Variants in MSLN observed in about 807,000 individuals in gnomAD.
MSLN encodes mesothelin.
In MSLN, 82 loss-of-function variants were observed where a neutral mutation model predicts 72.6. The ratio of observed to expected loss-of-function variants is 1.13; its 90% confidence interval spans 0.94 to 1.36. MSLN has a LOEUF of 1.36. Ranked by LOEUF, MSLN falls within the 40% of genes most tolerant of loss-of-function variation. The pLI is 0.00. For synonymous variants in MSLN, 456 were observed against 387.3 expected, an observed-to-expected ratio of 1.18 and a Z score of -2.08; for missense variants, 1,005 against 847.9, an observed-to-expected ratio of 1.19 and a Z score of -2.30.
At position 766,486 on chromosome 16, in the gene MSLN, C is replaced by T. The variant is rs563621461; in HGVS notation, c.1226C>T (p.Pro409Leu). The change falls in exon 13 of 18, where the codon CCT becomes CTT. Residue 409 changes from proline to leucine, a missense_variant. By Grantham distance (98) the Pro-to-Leu change is moderately conservative. Coordinates refer to ENST00000545450, the MANE Select transcript of MSLN (RefSeq NM_005823.6). ...LEVNKGHEMS[P>L]QVATLIDRFV... ...GTCAACAAAGGGCACGAAATGAGTC[C>T]TCAGGTGACCGTCCGGCTCGGGGGT... 1.2e-6 allele frequency: 2 copies of T among 1,612,598 alleles called. No homozygotes were observed. Among genetic ancestry groups the T allele is most frequent in the African/African-American group, 1.3e-5 (1 of 75,018 alleles).
At position 764,697 on chromosome 16, in the gene MSLN, C is replaced by T. The variant is rs1189037767; in HGVS notation, c.351C>T (p.Ala117=). The T allele has an allele frequency of 1.2e-6, 2 of 1,612,386 alleles. No individual in the cohort carries two copies. Among genetic ancestry groups the T allele is most frequent in the Non-Finnish European group, 1.7e-6 (2 of 1,179,766 alleles). ...CTGAGCCCCCCGAGGACCTGGACGC[C>T]CTCCCATTGGACCTGCTGCTATTCC... is the stretch of plus-strand genomic sequence containing the variant. The part of the protein sequence containing the change: ...RLSEPPEDLD[A]LPLDLLLFLN... Residue 117 remains alanine, a synonymous_variant, in exon 7 of 18, where the codon GCC becomes GCT. Transcript: ENST00000545450.
intron 13 of MSLN, 56 bp downstream of exon 13, chr16:766,546 G>C (rs561814363): frequency 6.2e-7 from 1 of 1,610,258 alleles, no homozygotes; most frequent in Admixed American, 1.7e-5. Flanking sequence ...CTGAGGGGCA[G>C]AGTGGGGGAC....
chr16:767,521 G>GTGT, intron 16 of MSLN, 51 bp downstream of exon 16: 1 of 1,307,098 alleles, frequency 7.7e-7, no homozygotes, highest in Non-Finnish European at 1.0e-6. Flanking sequence ...GTGGAGGAGG[G>GTGT]GCGAGTGGGA....
chr16:764,575 G>T, intron 6 of MSLN, 72 bp from the exon 7 acceptor site: 1 of 1,295,520 alleles, frequency 7.7e-7, no homozygotes, highest in Non-Finnish European at 1.1e-6. Flanking sequence ...TGGGCAGACT[G>T]GCCAGGCGAC....
intron 16 of MSLN, 94 bp from the exon 17 acceptor site, chr16:768,285 G>A (rs964048029): frequency 1.4e-5 from 19 of 1,317,976 alleles, no homozygotes; most frequent in Middle Eastern, 2.5e-4. Context: ...GGCATCTGTG[G>A]GTGGGGCAGT....
rs201082511 is a variant in MSLN at position 765,394 on chromosome 16, GGTCA to G, written c.704+96_704+99del. ...CTTGCGGCCATGCCTCAAGGCCCAG[GGTCA>G]GTCACCCCCGCCACCACCCCTGCCA... On this transcript the variant is annotated intron_variant, in intron 9 of 17. Transcript: ENST00000545450. The G allele has an allele frequency of 1.7e-3, 2,466 of 1,431,920 alleles. 28 individuals carry two copies. The African/African-American group carries it at 0.021, about 12-fold the overall frequency. The allele number at this position is 1,431,920 out of a possible 1,614,324, so 88.7% of individuals were successfully genotyped here. A position where few individuals can be genotyped will look rare whatever the true frequency, so the allele number is the denominator to read the frequency against.
At position 763,952 on chromosome 16, in the gene MSLN, G is replaced by C. The variant is rs557530740; in HGVS notation, c.180-71G>C. On this transcript the variant is annotated intron_variant, in intron 5 of 17. Coordinates refer to ENST00000545450, the MANE Select transcript of MSLN (RefSeq NM_005823.6). ...CTTTGGGGAGAGGTGGGGCTGTGGG[G>C]CTTGGGGAGCACTGGGTGGACATTG... is the stretch of plus-strand genomic sequence containing the variant. 358 of 1,575,458 alleles carry C rather than the reference G, an allele frequency of 2.3e-4. 3 individuals carry two copies. The African/African-American group carries it at 3.9e-3, about 17-fold the overall frequency.
Position 766,482 on chromosome 16 carries a change from A to C in MSLN, c.1222A>C (p.Ser408Arg). The C allele has an allele frequency of 6.2e-7, 1 of 1,612,546 alleles. No homozygotes were observed. The highest frequency in any genetic ancestry group is 8.5e-7 in the Non-Finnish European group (1 of 1,179,890). ...LLEVNKGHEMSPQVATLIDRF... is the reference protein window; with the variant it reads ...LLEVNKGHEMRPQVATLIDRF... The stretch of plus-strand genomic sequence containing the variant: ...TGAAGTCAACAAAGGGCACGAAATG[A>C]GTCCTCAGGTGACCGTCCGGCTCGG... Residue 408 changes from serine (S) to arginine (R), a missense_variant, in exon 13 of 18, where the codon AGT becomes CGT. Physicochemically the swap from Ser to Arg is moderately radical, Grantham distance 110. Transcript: ENST00000545450.
Position 766,911 on chromosome 16 carries a change from C to A in MSLN, c.1400C>A (p.Thr467Lys), listed in dbSNP as rs370543723. The change falls in exon 15 of 18, where the codon ACG (threonine) becomes AAG (lysine). Residue 467 changes from threonine (T) to lysine (K), a missense_variant. By Grantham distance (78) the Thr-to-Lys change is moderately conservative. Coordinates refer to ENST00000545450, the MANE Select transcript of MSLN (RefSeq NM_005823.6). ...GCGGTCAGGCCCCAGGACCTGGACA[C>A]GTGTGACCCAAGGCAGCTGGACGTC... ...IWAVRPQDLD[T>K]CDPRQLDVLY... 1.9e-6 allele frequency: 3 copies of A among 1,612,646 alleles called. 1 individual carries two copies. Among genetic ancestry groups the A allele is most frequent in the South Asian group, 2.2e-5 (2 of 91,086 alleles).
Position 768,744 on chromosome 16 carries a change from C to A in MSLN, c.*11C>A, listed in dbSNP as rs748983165. 1.4e-5 allele frequency: 23 copies of A among 1,609,184 alleles called. No homozygotes were observed. Among genetic ancestry groups the A allele is most frequent in the Middle Eastern group, 1.6e-4 (1 of 6,076 alleles). ...TCCACCCTGGCCTGAGGGCCCCACT[C>A]CCTTGCTGGCCCCAGCCCTGCTGGG... On this transcript the variant is annotated 3_prime_UTR_variant, in exon 18 of 18. Transcript: ENST00000545450.
At position 764,217 on chromosome 16, in the gene MSLN, A is replaced by G. The variant is rs568726799; in HGVS notation, c.300+74A>G. ...ATTCACAGGCAGCTCTGCAGTGCCCACCTTGCCACCACGGTCCCCTCTGTC... is the reference window on the plus strand; with the variant it reads ...ATTCACAGGCAGCTCTGCAGTGCCCGCCTTGCCACCACGGTCCCCTCTGTC... On this transcript the variant is annotated intron_variant, in intron 6 of 17. Coordinates refer to ENST00000545450, the MANE Select transcript of MSLN (RefSeq NM_005823.6). 3.6e-5 allele frequency: 56 copies of G among 1,534,526 alleles called. No individual in the cohort carries two copies. In the African/African-American group the frequency reaches 6.2e-4, roughly 17 times the overall value.
At position 765,581 on chromosome 16, in the gene MSLN, C is replaced by G; in HGVS notation, c.759C>G (p.Pro253=). ...TGGACGCTCTGCGGGGCCTGCTGCC[C>G]GTGCTGGGCCAGCCCATCATCCGCA... is the stretch of plus-strand genomic sequence containing the variant. ...STMDALRGLL[P]VLGQPIIRSI... is the part of the protein sequence containing the mutation. Residue 253 remains proline (P), a synonymous_variant, in exon 10 of 18, where the codon CCC becomes CCG. Coordinates refer to ENST00000545450, the MANE Select transcript of MSLN (RefSeq NM_005823.6). 1 of 1,605,852 alleles carries G rather than the reference C, an allele frequency of 6.2e-7. No individual in the cohort carries two copies. Among genetic ancestry groups the G allele is most frequent in the Non-Finnish European group, 8.5e-7 (1 of 1,179,374 alleles).
chr16:761,609 C>T (rs2041537785), intron 2 of MSLN, among the ~76,000 whole-genome samples: 1 of 147,868 alleles, frequency 6.8e-6, no homozygotes, highest in Non-Finnish European at 1.5e-5. Flanking sequence ...GGGTCCCACT[C>T]ACTGCCCATT....
In MSLN at chr16:766,378, G is replaced by A; in HGVS notation, c.1118G>A (p.Gly373Asp). The part of the protein sequence containing the change: ...GYPESVIQHL[G>D]YLFLKMSPED... Reference sequence around the variant, plus strand: ...CCCGAGTCTGTGATCCAGCACCTGGGCTACCTCTTCCTCAAGATGAGCCCT... The same window carrying A: ...CCCGAGTCTGTGATCCAGCACCTGGACTACCTCTTCCTCAAGATGAGCCCT... Residue 373 changes from glycine (G) to aspartate (D), a missense_variant, in exon 13 of 18, where the codon GGC becomes GAC. Gly to Asp is a moderately conservative substitution (Grantham distance 94). Transcript: ENST00000545450. 1 of 1,612,724 alleles carries A rather than the reference G, an allele frequency of 6.2e-7. No individual in the cohort carries two copies.
rs374436708 is a variant in MSLN, at chr16:764,100, C to T, written c.257C>T (p.Ala86Val). 2.5e-6 allele frequency: 4 copies of T among 1,606,530 alleles called. No homozygotes were observed. Among genetic ancestry groups the T allele is most frequent in the South Asian group, 2.2e-5 (2 of 91,078 alleles). ...GLSTERVREL[A>V]VALAQKNVKL... ...AGCACGGAGCGTGTCCGGGAGCTGG[C>T]TGTGGCCTTGGCACAGAAGAATGTC... Residue 86 changes from alanine (A) to valine (V), a missense_variant, in exon 6 of 18, where the codon GCT becomes GTT. Coordinates refer to ENST00000545450, the MANE Select transcript of MSLN (RefSeq NM_005823.6).
chr16:768,260 G>A, intron 16 of MSLN, 119 bp from the exon 17 acceptor site: 2 of 1,052,534 alleles, frequency 1.9e-6, no homozygotes, highest in Non-Finnish European at 2.6e-6. Flanking sequence ...TCCGAAGTCT[G>A]GAGAGGCTGC....
Position 768,077 on chromosome 16 carries a change from G to C in MSLN, c.1597-302G>C, listed in dbSNP as rs866750816. The stretch of plus-strand genomic sequence containing the variant: ...TGGAGGAGGGGCACATGGAGGGGGG[G>C]GCAAGTGGAGAAGCCCTGGTGGAGG... On this transcript the variant is annotated intron_variant, in intron 16 of 17. Coordinates refer to ENST00000545450, the MANE Select transcript of MSLN (RefSeq NM_005823.6). 1.3e-3 allele frequency among the ~76,000 whole-genome samples: 143 copies of C among 112,132 alleles called. 1 individual carries two copies. Among genetic ancestry groups the C allele is most frequent in the African/African-American group, 4.2e-3 (120 of 28,262 alleles). 73.6% of individuals were successfully genotyped at this position (112,132 alleles called of 152,430 possible).
intron 17 of MSLN, 26 bp downstream of exon 17, chr16:768,591 TGGGGGCAGAGCTG>T: frequency 6.2e-7 from 1 of 1,606,218 alleles, no homozygotes; most frequent in Non-Finnish European, 8.5e-7. Flanking sequence ...AGGCCAGGGC[TGGGGGCAGAGCTG>T]GGGGCGTGGA....
intron 9 of MSLN, 41 bp downstream of exon 9, chr16:765,344 G>T (rs1288383539): frequency 2.0e-6 from 3 of 1,507,894 alleles, no homozygotes; most frequent in Non-Finnish European, 2.7e-6. Flanking sequence ...TCACCTGGCG[G>T]CGTGGTATCA....
Sources: gnomAD v4.1 joint callset for allele counts (sites outside exome capture counted in the v4.1 genomes callset) on GRCh38, gnomAD v4.1.1 for gene constraint, MANE v1.5 for transcripts, NCBI Gene and HGNC (gene_info 2026-07-23, HGNC 2026-07-21) for gene names.